Variants in VAV2 observed in about 807,000 individuals in gnomAD.
VAV2 encodes the protein guanine nucleotide exchange factor VAV2.
VAV2 carries 67 observed loss-of-function variants against 132.5 expected under a neutral mutation model. The ratio of observed to expected loss-of-function variants is 0.51; its 90% CI spans 0.42 to 0.62. VAV2 has a LOEUF of 0.62. VAV2 is among the 20% of genes least tolerant of loss of function. The pLI, the probability that VAV2 is intolerant of heterozygous loss-of-function variation, is 0.00. For missense variants in VAV2, 938 were observed against 1,153.6 expected (o/e 0.81, Z 2.71); for synonymous variants, 492 against 443.5 (o/e 1.11, Z -1.37).
At chr9:133,901,422 G>T (rs1285305269) in intron 2 of VAV2, among the ~76,000 whole-genome samples, 1 of 152,238 alleles carries the variant, frequency 6.6e-6, no homozygotes, top group Non-Finnish European at 1.5e-5. Context: ...AAGAGGCAGG[G>T]TCTGTGTCCT....
intron 1 of VAV2, among the ~76,000 whole-genome samples, chr9:133,981,945 T>C (rs1842707564): frequency 6.6e-6 from 1 of 152,202 alleles, no homozygotes; most frequent in African/African-American, 2.4e-5. Flanking sequence ...GGAGAAAGCT[T>C]TGCTCTTACT....
intron 10 of VAV2, among the ~76,000 whole-genome samples, 155 bp from the exon 11 acceptor site, chr9:133,796,679 C>T (rs1488566637): frequency 6.6e-6 from 1 of 152,010 alleles, no homozygotes; most frequent in African/African-American, 2.4e-5. Context: ...CCAGTCCATG[C>T]ACCAGGTGTG....
Position 133,964,034 on chromosome 9 carries a change from TATATATATATATATACATATATATAC to T in VAV2, c.205-24841_205-24816del, listed in dbSNP as rs1248179582. Among the ~76,000 whole-genome samples the T allele has an allele frequency of 2.1e-3, 205 of 97,814 alleles. 11 individuals are homozygous for T. In the South Asian group the frequency reaches 0.066, roughly 32 times the overall value. 64.2% of individuals were successfully genotyped at this position (97,814 alleles called of 152,430 possible). ...AAAATTATTCATTCATATATATATA[TATATATATATATATACATATATATAC>T]ATATATATAAATGAATAGGCCAGGT... On this transcript the variant is annotated intron_variant, in intron 1 of 29. Coordinates refer to ENST00000371850, the MANE Select transcript of VAV2 (RefSeq NM_001134398.2).
In VAV2 at chr9:133,806,122, C is replaced by A. The variant is rs957260859; in HGVS notation, c.795G>T (p.Gly265=). The A allele has an allele frequency of 1.9e-6, 3 of 1,613,074 alleles. No homozygotes were observed. The African/African-American group carries it at 4.0e-5, about 21-fold the overall frequency. ...LRAIDVSVMV[G]GSTLAKVFLD... is the part of the protein sequence containing the mutation. ...GGAAGACCTTGGCCAGCGTGCTGCC[C>A]CCCACCATCACGGACACGTCGATGG... Residue 265 remains glycine, a synonymous_variant, in exon 9 of 30, where the codon GGG becomes GGT. Transcript: ENST00000371850.
chr9:133,814,497 C>G (rs1170775495), intron 4 of VAV2, among the ~76,000 whole-genome samples: 2 of 152,202 alleles, frequency 1.3e-5, no homozygotes, highest in Admixed American at 6.5e-5. Flanking sequence ...CGAGACAACT[C>G]GAGGGCAGAT....
intron 21 of VAV2, 140 bp downstream of exon 21, chr9:133,779,778 G>T: frequency 8.7e-7 from 1 of 1,149,024 alleles, no homozygotes. Flanking sequence ...AGAGGGAGGG[G>T]GCCCAGATGG....
At chr9:133,981,739 G>C (rs1842700235) in intron 1 of VAV2, among the ~76,000 whole-genome samples, 1 of 152,224 alleles carries the variant, frequency 6.6e-6, no homozygotes, top group Non-Finnish European at 1.5e-5. Context: ...GGTCCCCACT[G>C]CCGCCCCTGC....
At chr9:133,800,741 G>A (rs1352896018) in intron 9 of VAV2, among the ~76,000 whole-genome samples, 1 of 152,162 alleles carries the variant, frequency 6.6e-6, no homozygotes, top group Non-Finnish European at 1.5e-5. Context: ...CCGAGGTTTA[G>A]GTGGACGAGG....
At chr9:133,923,605 T>C (rs972885029) in intron 2 of VAV2, among the ~76,000 whole-genome samples, 5 of 152,174 alleles carry the variant, frequency 3.3e-5, no homozygotes. Flanking sequence ...GATCTAGAAC[T>C]AGAAATACCA....
At chr9:133,946,826 T>A (rs1198618301) in intron 1 of VAV2, among the ~76,000 whole-genome samples, 1 of 152,192 alleles carries the variant, frequency 6.6e-6, no homozygotes, top group Non-Finnish European at 1.5e-5. Context: ...ATGGAATGGA[T>A]CAAATTTGGG....
At chr9:133,897,346 C>A (rs941775494) in intron 2 of VAV2, among the ~76,000 whole-genome samples, 22 of 152,276 alleles carry the variant, frequency 1.4e-4, no homozygotes, top group African/African-American at 5.3e-4. Flanking sequence ...ACAGGGCACA[C>A]CCAGGTAGGG....
At chr9:133,872,850 C>A (rs956421216) in intron 2 of VAV2, among the ~76,000 whole-genome samples, 1 of 152,178 alleles carries the variant, frequency 6.6e-6, no homozygotes, top group African/African-American at 2.4e-5. Flanking sequence ...GGGTGGCTCA[C>A]GCCTGTAATC....
At chr9:133,954,016 G>A (rs1841657744) in intron 1 of VAV2, among the ~76,000 whole-genome samples, 1 of 138,248 alleles carries the variant, frequency 7.2e-6, no homozygotes. Flanking sequence ...CACTGCACAT[G>A]TGTGACATTC....
At position 133,828,335 on chromosome 9, in the gene VAV2, ACTGGGG is replaced by A. The variant is rs1564385783; in HGVS notation, c.449+5931_449+5936del. ...GGCATCACCACCTACCGCTGCGCCC[ACTGGGG>A]CTGACCACTGAGCACGGGCATCACC... On this transcript the variant is annotated intron_variant, in intron 4 of 29. Coordinates refer to ENST00000371850, the MANE Select transcript of VAV2 (RefSeq NM_001134398.2). 1.7e-3 allele frequency among the ~76,000 whole-genome samples: 39 copies of A among 22,872 alleles called. 11 individuals carry two copies. Among genetic ancestry groups the A allele is most frequent in the South Asian group, 7.6e-3 (5 of 660 alleles). 15.0% of individuals were successfully genotyped at this position (22,872 alleles called of 152,430 possible). A position where few individuals can be genotyped will look rare whatever the true frequency, so the allele number is the denominator to read the frequency against.
chr9:133,884,530 C>T lies in VAV2; in HGVS notation c.322-23098G>A, dbSNP rs1341750481. Among the ~76,000 whole-genome samples the T allele has an allele frequency of 6.6e-6, 1 of 151,474 alleles. No individual in the cohort carries two copies. Among genetic ancestry groups the T allele is most frequent in the Non-Finnish European group, 1.5e-5 (1 of 67,938 alleles). ...TCAACAGATGCTGGCCCACCCAGGC[C>T]AGCCTCTCCACCCAGGCCAGCCTCT... is the stretch of plus-strand genomic sequence containing the variant. On this transcript the variant is annotated intron_variant, in intron 2 of 29. Coordinates refer to ENST00000371850, the MANE Select transcript of VAV2 (RefSeq NM_001134398.2). The surrounding 1 kb of genome is among the most constrained non-coding windows in gnomAD (Gnocchi z 5.3).
intron 1 of VAV2, among the ~76,000 whole-genome samples, chr9:133,968,213 A>G (rs1842210951): frequency 6.6e-6 from 1 of 152,162 alleles, no homozygotes; most frequent in Non-Finnish European, 1.5e-5. Flanking sequence ...AATGTTCCCA[A>G]CACAAAGAAA....
At chr9:133,930,256 GGCCTCTTCACTACCCTCCCT>G in intron 2 of VAV2, among the ~76,000 whole-genome samples, 2 of 151,138 alleles carry the variant, frequency 1.3e-5, no homozygotes, top group South Asian at 4.2e-4. Context: ...ACTGCCTCCC[GGCCTCTTCACTACCCTCCCT>G]GCCTCCACCC....
chr9:133,943,885 A>G (rs901285419), intron 1 of VAV2, among the ~76,000 whole-genome samples: 4 of 152,242 alleles, frequency 2.6e-5, no homozygotes, highest in Admixed American at 6.5e-5. Context: ...AAATCGGATT[A>G]GTGTGGTGAC....
In VAV2 at chr9:133,879,734, C is replaced by T. The variant is rs1200800348; in HGVS notation, c.322-18302G>A. On this transcript the variant is annotated intron_variant, in intron 2 of 29. Transcript: ENST00000371850. The surrounding 1 kb of genome is among the most constrained non-coding windows in gnomAD (Gnocchi z 4.4). ...GCAGAACCTATCCGAGAATCCCTAC[C>T]GCCTTGCGAGCTGCAAGTCCGATCT... 3.9e-5 allele frequency among the ~76,000 whole-genome samples: 6 copies of T among 152,108 alleles called. No homozygotes were observed. The highest frequency in any genetic ancestry group is 8.8e-5 in the Non-Finnish European group (6 of 68,012).
Sources: allele counts gnomAD v4.1 joint callset (sites outside exome capture counted in the v4.1 genomes callset), GRCh38; gene constraint gnomAD v4.1.1; non-coding constraint Gnocchi (gnomAD v3.1); transcripts MANE v1.5; gene names NCBI Gene and HGNC (gene_info 2026-07-23, HGNC 2026-07-21).